The following DXO variants were observed in gnomAD, a reference collection of about 807,000 sequenced individuals.
DXO encodes decapping and exoribonuclease protein.
A neutral mutation model predicts 39.8 loss-of-function variants in DXO; 42 were observed. The ratio of observed to expected loss-of-function variants is 1.06; its 90% confidence interval spans 0.83 to 1.37. The LOEUF is 1.37. DXO is among the 40% of genes most tolerant of loss of function. The pLI is 0.00. For missense variants in DXO, 495 were observed against 513.0 expected, an observed-to-expected ratio of 0.96 and a Z score of 0.34; for synonymous variants, 193 against 200.4, an observed-to-expected ratio of 0.96 and a Z score of 0.31.
At position 31,971,828 on chromosome 6, in the gene DXO, A is replaced by C; in HGVS notation, c.-7+101T>G. On this transcript the variant is annotated intron_variant, in intron 1 of 6. Coordinates refer to ENST00000337523, the MANE Select transcript of DXO (RefSeq NM_005510.4). The surrounding 1 kb of genome is among the most constrained non-coding windows in gnomAD (Gnocchi z 4.5). ...CAGACGCCACCGCGGCCAAGCTCTC[A>C]TCCTGCCTCTTTCCTTGCCCTTCAC... The C allele has an allele frequency of 7.5e-7, 1 of 1,328,610 alleles. No homozygotes were observed. The highest frequency in any genetic ancestry group is 1.0e-6 in the Non-Finnish European group (1 of 995,418). The allele number at this position is 1,328,610 out of a possible 1,614,324, so 82.3% of individuals were successfully genotyped here. A position where few individuals can be genotyped will look rare whatever the true frequency, so the allele number is the denominator to read the frequency against.
At position 31,970,170 on chromosome 6, in the gene DXO, T is replaced by C. The variant is rs748247518; in HGVS notation, c.982A>G (p.Met328Val). Residue 328 changes from methionine to valine, a missense_variant, in exon 6 of 7, where the codon ATG (methionine) becomes GTG (valine). By Grantham distance (21) the Met-to-Val change is conservative. Coordinates refer to ENST00000337523, the MANE Select transcript of DXO (RefSeq NM_005510.4). This position sits in a 1 kb window ranked among gnomAD's most constrained non-coding sequence, Gnocchi z 4.0. Reference sequence around the variant, plus strand: ...CTAAGGAAGGCGGCACAGAAGTTCATGCACACAGAGGGATTCCAGCCGTCA... The same window carrying C: ...CTAAGGAAGGCGGCACAGAAGTTCACGCACACAGAGGGATTCCAGCCGTCA... ...DRDGWNPSVC[M>V]NFCAAFLSFA... The C allele has an allele frequency of 1.9e-6, 3 of 1,613,882 alleles. No homozygotes were observed. Among genetic ancestry groups the C allele is most frequent in the Middle Eastern group, 3.3e-4 (2 of 6,062 alleles).
rs745460172 is a variant in DXO at position 31,969,982 on chromosome 6, G to C, written c.1086C>G (p.Thr362=). 1 of 1,613,886 alleles carries C rather than the reference G, an allele frequency of 6.2e-7. No individual in the cohort carries two copies. Among genetic ancestry groups the C allele is most frequent in the East Asian group, 2.2e-5 (1 of 44,872 alleles). The stretch of plus-strand genomic sequence containing the variant: ...AAGGTGCATCTTGGTGTACAGACAC[G>C]GTGACTGGGCCGCCAGGCTCCCAAG... The part of the protein sequence containing the change: ...LFSWEPGGPV[T]VSVHQDAPYA... The change falls in exon 7 of 7, where the codon ACC becomes ACG. Residue 362 remains threonine, a synonymous_variant. Coordinates refer to ENST00000337523, the MANE Select transcript of DXO (RefSeq NM_005510.4). This position sits in a 1 kb window ranked among gnomAD's most constrained non-coding sequence, Gnocchi z 6.1.
rs780628617 is a variant in DXO at position 31,972,069 on chromosome 6, G to A, written c.-147C>T. On this transcript the variant is annotated 5_prime_UTR_variant, in exon 1 of 7. Coordinates refer to ENST00000337523, the MANE Select transcript of DXO (RefSeq NM_005510.4). The surrounding 1 kb of genome is among the most constrained non-coding windows in gnomAD (Gnocchi z 6.3). ...GTGGCGGGCAAACCCCTCCCGGGGC[G>A]GGGGAGGTGTGAGCTTCACGAAGGA... The A allele has an allele frequency of 4.3e-6, 7 of 1,612,620 alleles. No homozygotes were observed. The South Asian group carries it at 7.7e-5, about 18-fold the overall frequency.
Position 31,971,468 on chromosome 6 carries a change from A to G in DXO, c.208T>C (p.Tyr70His). 1 of 1,614,060 alleles carries G rather than the reference A, an allele frequency of 6.2e-7. No homozygotes were observed. The highest frequency in any genetic ancestry group is 8.5e-7 in the Non-Finnish European group (1 of 1,179,990). ...GGACCGTTAGTGGGGGGTGGGCTAT[A>G]GTAGCGCAGGGCTCGGGCATCTCCA... Reference protein sequence around the residue: ...YHGDARALRYYSPPPTNGPGP... With the variant: ...YHGDARALRYHSPPPTNGPGP... Residue 70 changes from tyrosine (Y) to histidine (H), a missense_variant, in exon 2 of 7, where the codon TAT becomes CAT. Physicochemically the swap from Tyr to His is moderately conservative, Grantham distance 83. Transcript: ENST00000337523. This position sits in a 1 kb window ranked among gnomAD's most constrained non-coding sequence, Gnocchi z 4.5.
Position 31,970,606 on chromosome 6 carries a change from C to G in DXO, c.812G>C (p.Arg271Thr), listed in dbSNP as rs1397404800. The G allele has an allele frequency of 1.9e-6, 3 of 1,613,042 alleles. No homozygotes were observed. The highest frequency in any genetic ancestry group is 1.3e-5 in the African/African-American group (1 of 74,886). ...HSPGQWRSFY[R>T]HKLLKWWAQS... ...CGCCCTGCCCACCCCGATCCTGAAC[C>G]TGTAGAAACTCCTCCATTGGCCAGG... Residue 271 changes from arginine to threonine, a missense_variant and splice_region_variant, in exon 4 of 7, where the codon AGA becomes ACA. Coordinates refer to ENST00000337523, the MANE Select transcript of DXO (RefSeq NM_005510.4). The surrounding 1 kb of genome is among the most constrained non-coding windows in gnomAD (Gnocchi z 4.0).
At position 31,970,617 on chromosome 6, in the gene DXO, C is replaced by A; in HGVS notation, c.801G>T (p.Arg267Ser). 1.2e-6 allele frequency: 2 copies of A among 1,613,268 alleles called. No individual in the cohort carries two copies. Among genetic ancestry groups the A allele is most frequent in the East Asian group, 4.5e-5 (2 of 44,872 alleles). Residue 267 changes from arginine (R) to serine (S), a missense_variant, in exon 4 of 7, where the codon AGG becomes AGT. Coordinates refer to ENST00000337523, the MANE Select transcript of DXO (RefSeq NM_005510.4). This position sits in a 1 kb window ranked among gnomAD's most constrained non-coding sequence, Gnocchi z 4.0. ...SKEMHSPGQWRSFYRHKLLKW... is the reference protein window; with the variant it reads ...SKEMHSPGQWSSFYRHKLLKW... Reference sequence around the variant, plus strand: ...CCCCGATCCTGAACCTGTAGAAACTCCTCCATTGGCCAGGGCTGTGCATCT... The same window carrying A: ...CCCCGATCCTGAACCTGTAGAAACTACTCCATTGGCCAGGGCTGTGCATCT...
In DXO at chr6:31,971,447, C is replaced by A; in HGVS notation, c.229G>T (p.Gly77Cys). 1.2e-6 allele frequency: 2 copies of A among 1,613,488 alleles called. No individual in the cohort carries two copies. Among genetic ancestry groups the A allele is most frequent in the Non-Finnish European group, 1.7e-6 (2 of 1,179,566 alleles). ...LRYYSPPPTN[G>C]PGPNFDLRDG... ...CTGAGGTCAAAGTTGGGGCCTGGAC[C>A]GTTAGTGGGGGGTGGGCTATAGTAG... is the stretch of plus-strand genomic sequence containing the variant. Residue 77 changes from glycine to cysteine, a missense_variant, in exon 2 of 7, where the codon GGT (glycine) becomes TGT (cysteine). Coordinates refer to ENST00000337523, the MANE Select transcript of DXO (RefSeq NM_005510.4). The surrounding 1 kb of genome is among the most constrained non-coding windows in gnomAD (Gnocchi z 4.5).
rs11558689 is a variant in DXO at position 31,971,639 on chromosome 6, T to C, written c.37A>G (p.Thr13Ala). The change falls in exon 2 of 7, where the codon ACA becomes GCA. Residue 13 changes from threonine (T) to alanine (A), a missense_variant. Transcript: ENST00000337523. This position sits in a 1 kb window ranked among gnomAD's most constrained non-coding sequence, Gnocchi z 4.5. ...PRGTKRGAEK[T>A]EVAEPRNKLP... Reference sequence around the variant, plus strand: ...TTGTTCCGAGGCTCAGCTACCTCTGTCTTCTCAGCTCCTCTCTTGGTCCCC... The same window carrying C: ...TTGTTCCGAGGCTCAGCTACCTCTGCCTTCTCAGCTCCTCTCTTGGTCCCC... The C allele has an allele frequency of 1.5e-3, 2,417 of 1,610,518 alleles. 4 individuals are homozygous for C. The highest frequency in any genetic ancestry group is 4.4e-3 in the African/African-American group (329 of 75,026).
chr6:31,970,576 G>A lies in DXO; in HGVS notation c.812+30C>T. ...TCCCTTTCCCAGCCTTCAAGCCTAA[G>A]CTCTCGCCCTGCCCACCCCGATCCT... On this transcript the variant is annotated intron_variant, in intron 4 of 6. Transcript: ENST00000337523. The surrounding 1 kb of genome is among the most constrained non-coding windows in gnomAD (Gnocchi z 4.0). The A allele has an allele frequency of 1.9e-6, 3 of 1,612,664 alleles. No individual in the cohort carries two copies. The highest frequency in any genetic ancestry group is 2.5e-6 in the Non-Finnish European group (3 of 1,179,156).
chr6:31,970,729 A>G lies in DXO; in HGVS notation c.689T>C (p.Leu230Pro). Reference sequence around the variant, plus strand: ...TGTGCAGTCTACCTCCCCTGAGAAGAGCAGAGGGTGGCTTCCCAGGCGGCT... The same window carrying G: ...TGTGCAGTCTACCTCCCCTGAGAAGGGCAGAGGGTGGCTTCCCAGGCGGCT... Reference protein sequence around the residue: ...LRSRLGSHPLLFSGEVDCTDP... With the variant: ...LRSRLGSHPLPFSGEVDCTDP... Residue 230 changes from leucine (L) to proline (P), a missense_variant, in exon 4 of 7, where the codon CTC (leucine) becomes CCC (proline). Coordinates refer to ENST00000337523, the MANE Select transcript of DXO (RefSeq NM_005510.4). This position sits in a 1 kb window ranked among gnomAD's most constrained non-coding sequence, Gnocchi z 4.0. 1 of 1,612,798 alleles carries G rather than the reference A, an allele frequency of 6.2e-7. No individual in the cohort carries two copies. The highest frequency in any genetic ancestry group is 1.3e-5 in the African/African-American group (1 of 74,950).
Position 31,970,554 on chromosome 6 carries a change from C to G in DXO, c.812+52G>C, listed in dbSNP as rs1343202800. 5 of 1,612,530 alleles carry G rather than the reference C, an allele frequency of 3.1e-6. No homozygotes were observed. The highest frequency in any genetic ancestry group is 4.2e-6 in the Non-Finnish European group (5 of 1,179,058). ...TGCCTTCACCCTCCTCCCCAAGTCC[C>G]TTTCCCAGCCTTCAAGCCTAAGCTC... On this transcript the variant is annotated intron_variant, in intron 4 of 6. Transcript: ENST00000337523. The surrounding 1 kb of genome is among the most constrained non-coding windows in gnomAD (Gnocchi z 4.0).
chr6:31,971,864 T>A lies in DXO; in HGVS notation c.-7+65A>T, dbSNP rs1228586646. 7.1e-7 allele frequency: 1 copy of A among 1,417,542 alleles called. No homozygotes were observed. Among genetic ancestry groups the A allele is most frequent in the Non-Finnish European group, 9.4e-7 (1 of 1,063,946 alleles). 87.8% of individuals were successfully genotyped at this position (1,417,542 alleles called of 1,614,324 possible). On this transcript the variant is annotated intron_variant, in intron 1 of 6. Coordinates refer to ENST00000337523, the MANE Select transcript of DXO (RefSeq NM_005510.4). The surrounding 1 kb of genome is among the most constrained non-coding windows in gnomAD (Gnocchi z 4.5). The stretch of plus-strand genomic sequence containing the variant: ...TTCCTTGCCCTTCACCCACCCTCCC[T>A]CCAGGTCCTCCAAATGCAGTGAGGT...
Position 31,972,097 on chromosome 6 carries a change from T to A in DXO, c.-175A>T, listed in dbSNP as rs751204904. On this transcript the variant is annotated 5_prime_UTR_variant, in exon 1 of 7. Coordinates refer to ENST00000337523, the MANE Select transcript of DXO (RefSeq NM_005510.4). The surrounding 1 kb of genome is among the most constrained non-coding windows in gnomAD (Gnocchi z 6.3). ...GGAGGTGTGAGCTTCACGAAGGAGG[T>A]TGACACCAACGTGGCCACCGGCGCC... The A allele has an allele frequency of 1.9e-6, 3 of 1,612,172 alleles. No homozygotes were observed. The highest frequency in any genetic ancestry group is 2.5e-6 in the Non-Finnish European group (3 of 1,179,660).
chr6:31,970,571 C>A lies in DXO; in HGVS notation c.812+35G>T, dbSNP rs1278372917. On this transcript the variant is annotated intron_variant, in intron 4 of 6. Coordinates refer to ENST00000337523, the MANE Select transcript of DXO (RefSeq NM_005510.4). This position sits in a 1 kb window ranked among gnomAD's most constrained non-coding sequence, Gnocchi z 4.0. ...CCAAGTCCCTTTCCCAGCCTTCAAG[C>A]CTAAGCTCTCGCCCTGCCCACCCCG... The A allele has an allele frequency of 1.1e-5, 17 of 1,612,644 alleles. No individual in the cohort carries two copies. The highest frequency in any genetic ancestry group is 1.3e-5 in the Non-Finnish European group (15 of 1,179,154).
chr6:31,970,048 G>T lies in DXO; in HGVS notation c.1044-24C>A. ...GCCTGGGGGGCAGATGGAGGCATCA[G>T]TTGAGGGCCAGAGGCTGGATCCTGG... On this transcript the variant is annotated intron_variant, in intron 6 of 6. Coordinates refer to ENST00000337523, the MANE Select transcript of DXO (RefSeq NM_005510.4). This position sits in a 1 kb window ranked among gnomAD's most constrained non-coding sequence, Gnocchi z 4.0. 2.5e-6 allele frequency: 4 copies of T among 1,614,096 alleles called. No homozygotes were observed. In the South Asian group the frequency reaches 3.3e-5, roughly 13 times the overall value.
rs1773317217 is a variant in DXO, at chr6:31,971,463, G to A, written c.213C>T (p.Ser71=). 1 of 1,613,954 alleles carries A rather than the reference G, an allele frequency of 6.2e-7. No homozygotes were observed. The highest frequency in any genetic ancestry group is 1.3e-5 in the African/African-American group (1 of 74,906). The change falls in exon 2 of 7, where the codon AGC becomes AGT. Residue 71 remains serine, a synonymous_variant. Transcript: ENST00000337523. This position sits in a 1 kb window ranked among gnomAD's most constrained non-coding sequence, Gnocchi z 4.5. ...HGDARALRYY[S]PPPTNGPGPN... Reference sequence around the variant, plus strand: ...GGCCTGGACCGTTAGTGGGGGGTGGGCTATAGTAGCGCAGGGCTCGGGCAT... The same window carrying A: ...GGCCTGGACCGTTAGTGGGGGGTGGACTATAGTAGCGCAGGGCTCGGGCAT...
In DXO at chr6:31,970,149, G is replaced by A. The variant is rs1415678204; in HGVS notation, c.1003C>T (p.Leu335Phe). The A allele has an allele frequency of 6.2e-7, 1 of 1,613,814 alleles. No homozygotes were observed. Among genetic ancestry groups the A allele is most frequent in the African/African-American group, 1.3e-5 (1 of 74,864 alleles). The change falls in exon 6 of 7, where the codon CTT (leucine) becomes TTT (phenylalanine). Residue 335 changes from leucine to phenylalanine, a missense_variant. Physicochemically the swap from Leu to Phe is conservative, Grantham distance 22. Coordinates refer to ENST00000337523, the MANE Select transcript of DXO (RefSeq NM_005510.4). This position sits in a 1 kb window ranked among gnomAD's most constrained non-coding sequence, Gnocchi z 4.0. ...ACAACCGTGCTCTGGGCAAAGCTAA[G>A]GAAGGCGGCACAGAAGTTCATGCAC... The part of the protein sequence containing the change: ...SVCMNFCAAF[L>F]SFAQSTVVQD...
rs1773350075 is a variant in DXO, at chr6:31,971,713, C to A, written c.-6-32G>T. The A allele has an allele frequency of 6.4e-7, 1 of 1,562,466 alleles. No individual in the cohort carries two copies. Among genetic ancestry groups the A allele is most frequent in the Non-Finnish European group, 8.6e-7 (1 of 1,157,978 alleles). On this transcript the variant is annotated intron_variant, in intron 1 of 6. Transcript: ENST00000337523. The surrounding 1 kb of genome is among the most constrained non-coding windows in gnomAD (Gnocchi z 4.5). Reference sequence around the variant, plus strand: ...CAAGCAGGGGTACAGAGTTTCCATTCTACAGAGGAGGCCTGGAGAAGGATG... The same window carrying A: ...CAAGCAGGGGTACAGAGTTTCCATTATACAGAGGAGGCCTGGAGAAGGATG...
In DXO at chr6:31,970,090, A is replaced by G. The variant is rs1011241622; in HGVS notation, c.1043+19T>C. On this transcript the variant is annotated intron_variant, in intron 6 of 6. Coordinates refer to ENST00000337523, the MANE Select transcript of DXO (RefSeq NM_005510.4). The surrounding 1 kb of genome is among the most constrained non-coding windows in gnomAD (Gnocchi z 4.0). Reference sequence around the variant, plus strand: ...GGATCCTGGGATCCAGAGGGGAGGGACAGAGCTGAATGCCTCACCTGGGGT... The same window carrying G: ...GGATCCTGGGATCCAGAGGGGAGGGGCAGAGCTGAATGCCTCACCTGGGGT... The G allele has an allele frequency of 6.2e-7, 1 of 1,613,896 alleles. No individual in the cohort carries two copies. The highest frequency in any genetic ancestry group is 8.5e-7 in the Non-Finnish European group (1 of 1,179,996).
Sources: allele counts gnomAD v4.1 joint callset, GRCh38; gene constraint gnomAD v4.1.1; non-coding constraint Gnocchi (gnomAD v3.1); transcripts MANE v1.5; gene names NCBI Gene and HGNC (gene_info 2026-07-23, HGNC 2026-07-21).